Variants in RGS3 observed in about 807,000 individuals in gnomAD.
RGS3 encodes the protein regulator of G-protein signalling 3.
In RGS3, 80 loss-of-function variants were observed where a neutral mutation model predicts 132.6. The observed-to-expected ratio is 0.60, with a 90% CI of 0.50 to 0.73. RGS3 has a LOEUF of 0.73. Ranked by LOEUF, RGS3 falls within the 30% of genes least tolerant of loss-of-function variation. RGS3 has a pLI of 0.00. For missense variants in RGS3, 1,382 were observed against 1,530.8 expected (o/e 0.90, Z 1.62); for synonymous variants, 598 against 620.6 (o/e 0.96, Z 0.54).
At chr9:113,497,959 G>C in intron 9 of RGS3, 66 bp from the exon 8 acceptor site, 1 of 1,530,136 alleles carries the variant, frequency 6.5e-7, no homozygotes, top group Non-Finnish European at 9.1e-7. Flanking sequence ...TGTCCTCTGG[G>C]TGGTCCGAGG....
chr9:113,583,159 C>A, intron 19 of RGS3: 1 of 466,162 alleles, frequency 2.1e-6, no homozygotes, highest in Non-Finnish European at 3.8e-6. Context: ...GTCAAGCTGG[C>A]CTGGCACCTG....
intron 6 of RGS3, among the ~76,000 whole-genome samples, chr9:113,484,519 G>A (rs907285038): frequency 2.0e-5 from 3 of 152,168 alleles, no homozygotes; most frequent in African/African-American, 4.8e-5. Flanking sequence ...CCCATAAAAA[G>A]TGTAGGCAAT....
rs909180812 is a variant in RGS3 at position 113,596,163 on chromosome 9, C to T, written c.3411+398C>T. On this transcript the variant is annotated intron_variant, in intron 24 of 24. Transcript: ENST00000350696. Reference sequence around the variant, plus strand: ...CAGCCTGGCCAACAGGGCGAAACCCCATCTCTACTAAAATTACAAAATTAG... The same window carrying T: ...CAGCCTGGCCAACAGGGCGAAACCCTATCTCTACTAAAATTACAAAATTAG... Among the ~76,000 whole-genome samples the T allele has an allele frequency of 2.6e-5, 4 of 152,192 alleles. No individual in the cohort carries two copies. In the South Asian group the frequency reaches 8.3e-4, roughly 32 times the overall value.
At chr9:113,571,599 G>A (rs113795694) in intron 19 of RGS3, among the ~76,000 whole-genome samples, 5,965 of 152,078 alleles carry the variant, frequency 0.039, 160 homozygotes, top group South Asian at 0.099. Flanking sequence ...GAGCTTAAAC[G>A]ATATTGTAGA....
chr9:113,494,055 T>C (rs1009955660), intron 7 of RGS3, among the ~76,000 whole-genome samples: 7 of 152,150 alleles, frequency 4.6e-5, no homozygotes, highest in African/African-American at 1.2e-4. Flanking sequence ...ACGATGTTTC[T>C]TGATTAATAG....
chr9:113,541,582 G>A, intron 19 of RGS3: 3 of 1,368,298 alleles, frequency 2.2e-6, no homozygotes, highest in Non-Finnish European at 2.8e-6. Flanking sequence ...GGTGCATGTG[G>A]ATGTCAACAG....
At chr9:113,541,373 C>T (rs746154162) in intron 19 of RGS3, 3 of 1,613,764 alleles carry the variant, frequency 1.9e-6, no homozygotes, top group Non-Finnish European at 2.5e-6. Context: ...TCAACTCAAC[C>T]AATGCCACCC....
intron 8 of RGS3, among the ~76,000 whole-genome samples, chr9:113,496,293 G>T (rs2119274721): frequency 6.6e-6 from 1 of 152,304 alleles, no homozygotes; most frequent in Non-Finnish European, 1.5e-5. Flanking sequence ...ATCCTCTGTG[G>T]AGCTTTCCTT....
intron 19 of RGS3, among the ~76,000 whole-genome samples, chr9:113,540,546 C>T (rs1028921577): frequency 6.6e-6 from 1 of 152,154 alleles, no homozygotes; most frequent in Non-Finnish European, 1.5e-5. Flanking sequence ...GTGCCGTGAG[C>T]CTCCTGCTCA....
chr9:113,534,556 T>C (rs1019810310), intron 18 of RGS3, among the ~76,000 whole-genome samples: 1 of 152,124 alleles, frequency 6.6e-6, no homozygotes, highest in African/African-American at 2.4e-5. Flanking sequence ...TTAAACTGTA[T>C]TGTTTAGGGA....
At chr9:113,594,594 C>A in intron 22 of RGS3, 63 bp downstream of exon 20, 2 of 1,374,540 alleles carry the variant, frequency 1.5e-6, no homozygotes, top group Non-Finnish European at 2.1e-6. Flanking sequence ...GGGAGTAGGA[C>A]TGAGTGGTAG....
exon 25 of RGS3, chr9:113,597,075 C>T (rs376179573): frequency 1.7e-4 from 134 of 803,654 alleles, no homozygotes; most frequent in Middle Eastern, 1.0e-3. Flanking sequence ...TCTGGACAGA[C>T]GGATAGACAT....
chr9:113,575,708 G>A (rs747042613), intron 19 of RGS3, among the ~76,000 whole-genome samples: 47 of 152,228 alleles, frequency 3.1e-4, no homozygotes, highest in Non-Finnish European at 5.4e-4. Context: ...GTTACCTGAC[G>A]CCACTCTCCA....
upstream of RGS3, among the ~76,000 whole-genome samples, chr9:113,457,882 C>G (rs542417859): frequency 2.0e-5 from 3 of 152,116 alleles, no homozygotes; most frequent in African/African-American, 7.2e-5. Context: ...GCAATTTTGG[C>G]TATTTCAGAA....
intron 19 of RGS3, among the ~76,000 whole-genome samples, chr9:113,574,506 G>A (rs921885992): frequency 3.3e-5 from 5 of 152,230 alleles, no homozygotes; most frequent in African/African-American, 1.2e-4. Context: ...CCTGGCGCAT[G>A]GCTGCAGCTC....
chr9:113,479,304 G>A lies in RGS3; in HGVS notation c.416-187G>A, dbSNP rs1190358703. 6.0e-6 allele frequency: 4 copies of A among 662,116 alleles called. No homozygotes were observed. In the East Asian group the frequency reaches 1.0e-4, roughly 17 times the overall value. The allele number at this position is 662,116 out of a possible 1,614,324, so 41.0% of individuals were successfully genotyped here. On this transcript the variant is annotated intron_variant, in intron 3 of 24. Transcript: ENST00000350696. ...AACCACTGCTGGAGGCATTCGAAAG[G>A]GACTCCCGATGTGGTGGGCGGGGCT...
Position 113,591,434 on chromosome 9 carries a change from T to A in RGS3, c.3080+37T>A. On this transcript the variant is annotated intron_variant, in intron 21 of 24. Transcript: ENST00000350696. This position sits in a 1 kb window ranked among gnomAD's most constrained non-coding sequence, Gnocchi z 4.4. ...AGATCCCTGGCTTCTGCGCTCCTCT[T>A]CCTCCCTTGCCCCAGGGCTTGTCTC... 1 of 1,583,132 alleles carries A rather than the reference T, an allele frequency of 6.3e-7. No homozygotes were observed. The highest frequency in any genetic ancestry group is 8.7e-7 in the Non-Finnish European group (1 of 1,152,698).
At chr9:113,481,779 G>A (rs773411091) in intron 4 of RGS3, among the ~76,000 whole-genome samples, 5 of 152,216 alleles carry the variant, frequency 3.3e-5, no homozygotes, top group Admixed American at 6.5e-5. Flanking sequence ...GGGTGCATTG[G>A]CTCACGCCTG....
At chr9:113,552,565 G>C (rs1303463730) in intron 19 of RGS3, among the ~76,000 whole-genome samples, 1 of 152,066 alleles carries the variant, frequency 6.6e-6, no homozygotes, top group African/African-American at 2.4e-5. Context: ...TAATCCGTCC[G>C]ACTCGGCCTC....
Sources: gnomAD v4.1 joint callset for allele counts (sites outside exome capture counted in the v4.1 genomes callset) on GRCh38, gnomAD v4.1.1 for gene constraint, Gnocchi (gnomAD v3.1) non-coding constraint, MANE v1.5 for transcripts, NCBI Gene and HGNC (gene_info 2026-07-23, HGNC 2026-07-21) for gene names.